HMG20B: variants seen among roughly 807,000 people sequenced by gnomAD.
HMG20B encodes SWI/SNF-related matrix-associated actin-dependent regulator of chromatin subfamily E member 1-related.
HMG20B carries 24 observed loss-of-function variants against 41.6 expected under a neutral mutation model. The observed-to-expected ratio is 0.58, with a 90% CI of 0.42 to 0.81. The LOEUF (loss-of-function observed/expected upper bound fraction) is 0.81. Among genes scored for constraint, HMG20B ranks in the 30% least tolerant of loss-of-function variants. The pLI, the probability that HMG20B is intolerant of heterozygous loss-of-function variation, is 0.00. For missense variants in HMG20B, 461 were observed against 444.0 expected (o/e 1.04, Z -0.34); for synonymous variants, 251 against 186.6 (o/e 1.34, Z -2.81).
chr19:3,577,906 C>G, intron 8 of HMG20B, 75 bp from the exon 9 acceptor site: 1 of 1,386,366 alleles, frequency 7.2e-7, no homozygotes, highest in African/African-American at 1.4e-5. Flanking sequence ...CTGAGTCACC[C>G]CCTACCGCTG....
At chr19:3,574,763 G>A (rs996706434) in intron 4 of HMG20B, among the ~76,000 whole-genome samples, 177 bp downstream of exon 4, 1 of 149,416 alleles carries the variant, frequency 6.7e-6, no homozygotes, top group Non-Finnish European at 1.5e-5. Flanking sequence ...CTGTTGCCCA[G>A]GCTGGAGTGC....
chr19:3,578,528 G>C lies in HMG20B; in HGVS notation c.*7G>C. 6.4e-7 allele frequency: 1 copy of C among 1,573,282 alleles called. No individual in the cohort carries two copies. The highest frequency in any genetic ancestry group is 1.4e-5 in the African/African-American group (1 of 73,996). On this transcript the variant is annotated 3_prime_UTR_variant, in exon 10 of 10. Coordinates refer to ENST00000333651, the MANE Select transcript of HMG20B (RefSeq NM_006339.3). ...TTTCAGCGAGCACCTGTGAGGAGTGGGCGGGCCCACGATGCAGAGGAGAAG... is the reference window on the plus strand; with the variant it reads ...TTTCAGCGAGCACCTGTGAGGAGTGCGCGGGCCCACGATGCAGAGGAGAAG...
chr19:3,575,388 C>A, intron 4 of HMG20B, 152 bp from the exon 5 acceptor site: 1 of 1,333,164 alleles, frequency 7.5e-7, no homozygotes, highest in Non-Finnish European at 1.0e-6. Context: ...CCCTGAGCAA[C>A]AGGCTGAGGA....
In HMG20B at chr19:3,578,106, G is replaced by A. The variant is rs775485847; in HGVS notation, c.934G>A (p.Val312Ile). ...IVRIKEILAQ[V>I]ASEHL ...CCGCATCAAGGAAATCCTGGCCCAG[G>A]TCGCCAGGTGTGTGCCGGGCGAGGC... Residue 312 changes from valine (V) to isoleucine (I), a missense_variant, in exon 9 of 10, where the codon GTC (valine) becomes ATC (isoleucine). This residue lies in a region of HMG20B where 308 missense variants were observed against 283.4 expected (regional missense o/e 1.09). Transcript: ENST00000333651. 3 of 1,610,994 alleles carry A rather than the reference G, an allele frequency of 1.9e-6. No individual in the cohort carries two copies. Among genetic ancestry groups the A allele is most frequent in the Middle Eastern group, 1.7e-4 (1 of 6,056 alleles).
In HMG20B at chr19:3,578,584, C is replaced by G. The variant is rs906212851; in HGVS notation, c.*63C>G. ...GGCGCGGCCCTGCCACACCCCACCC[C>G]GTGGACGAGAGGCTGGGGGTCCACC... On this transcript the variant is annotated 3_prime_UTR_variant, in exon 10 of 10. Coordinates refer to ENST00000333651, the MANE Select transcript of HMG20B (RefSeq NM_006339.3). 6.5e-7 allele frequency: 1 copy of G among 1,548,382 alleles called. No homozygotes were observed. The highest frequency in any genetic ancestry group is 8.7e-7 in the Non-Finnish European group (1 of 1,144,864).
chr19:3,577,490 C>T (rs1284964845), intron 8 of HMG20B, among the ~76,000 whole-genome samples: 2 of 144,690 alleles, frequency 1.4e-5, no homozygotes, highest in African/African-American at 2.6e-5. Context: ...CGCGCCCCCA[C>T]CGCTCCCTAC....
At chr19:3,574,715 C>CTTTTT (rs142748294) in intron 4 of HMG20B, 129 bp downstream of exon 4, 15 of 585,858 alleles carry the variant, frequency 2.6e-5, no homozygotes, top group African/African-American at 8.3e-5. Flanking sequence ...CCATAACCAA[C>CTTTTT]TTTTTTTTTT....
At chr19:3,575,401 CG>C in intron 4 of HMG20B, 138 bp from the exon 5 acceptor site, 1 of 1,402,854 alleles carries the variant, frequency 7.1e-7, no homozygotes, top group East Asian at 2.6e-5. Context: ...GCTGAGGAGC[CG>C]GTTCTGTCTG....
At position 3,579,007 on chromosome 19, in the gene HMG20B, G is replaced by C; in HGVS notation, c.*486G>C. 1 of 352,056 alleles carries C rather than the reference G, an allele frequency of 2.8e-6. No individual in the cohort carries two copies. Among genetic ancestry groups the C allele is most frequent in the Admixed American group, 3.9e-5 (1 of 25,510 alleles). 21.8% of individuals were successfully genotyped at this position (352,056 alleles called of 1,614,324 possible). On this transcript the variant is annotated 3_prime_UTR_variant, in exon 10 of 10. Transcript: ENST00000333651. This position sits in a 1 kb window ranked among gnomAD's most constrained non-coding sequence, Gnocchi z 7.4. The stretch of plus-strand genomic sequence containing the variant: ...CCATCCTGCTCTCCTCCAGCCGAGG[G>C]ACCCTGGTGGGGGTGGCTCCTTCTC...
intron 3 of HMG20B, 140 bp downstream of exon 3, chr19:3,573,940 C>A: frequency 1.2e-6 from 1 of 815,270 alleles, no homozygotes; most frequent in Non-Finnish European, 2.0e-6. Context: ...CGCCCCGTGC[C>A]AGCTGCCACG....
intron 7 of HMG20B, 92 bp downstream of exon 7, chr19:3,576,717 G>A (rs779243790): frequency 6.9e-6 from 9 of 1,312,444 alleles, no homozygotes; most frequent in South Asian, 3.8e-5. Flanking sequence ...TGCAGGAGGC[G>A]GATCGGGAGG....
At chr19:3,577,438 C>A in intron 8 of HMG20B, among the ~76,000 whole-genome samples, 1 of 149,270 alleles carries the variant, frequency 6.7e-6, no homozygotes, top group East Asian at 2.0e-4. Flanking sequence ...CGCGTCCCCG[C>A]TTACTCGCTT....
rs1193453625 is a variant in HMG20B at position 3,574,363 on chromosome 19, G to C, written c.148-20G>C. On this transcript the variant is annotated intron_variant, in intron 3 of 9. Transcript: ENST00000333651. ...CAGTACGCCAGGCCCCCCTCCCAAC[G>C]ACGCAGCCCGGTTCTGCAGCCGGTG... 3 of 1,351,292 alleles carry C rather than the reference G, an allele frequency of 2.2e-6. No homozygotes were observed. The highest frequency in any genetic ancestry group is 2.9e-6 in the Non-Finnish European group (3 of 1,021,920). The allele number at this position is 1,351,292 out of a possible 1,614,324, so 83.7% of individuals were successfully genotyped here.
Position 3,573,685 on chromosome 19 carries a change from G to A in HMG20B, c.39-7G>A, listed in dbSNP as rs763566433. The A allele has an allele frequency of 6.7e-6, 10 of 1,500,078 alleles. No homozygotes were observed. Among genetic ancestry groups the A allele is most frequent in the South Asian group, 4.1e-5 (3 of 72,736 alleles). 92.9% of individuals were successfully genotyped at this position (1,500,078 alleles called of 1,614,324 possible). Reference sequence around the variant, plus strand: ...GACGGGGCTGACCGCGGTATCCTTGGCTCCAGGCCGGCGGGCGGCAAGGCT... The same window carrying A: ...GACGGGGCTGACCGCGGTATCCTTGACTCCAGGCCGGCGGGCGGCAAGGCT... On this transcript the variant is annotated splice_polypyrimidine_tract_variant and splice_region_variant and intron_variant, in intron 2 of 9. Transcript: ENST00000333651.
chr19:3,573,456 G>C (rs2032084594), intron 2 of HMG20B, 109 bp downstream of exon 2: 1 of 1,197,104 alleles, frequency 8.4e-7, no homozygotes, highest in Non-Finnish European at 1.1e-6. Flanking sequence ...TCCCCCACCT[G>C]GGTCAGGGGG....
At position 3,576,582 on chromosome 19, in the gene HMG20B, C is replaced by G. The variant is rs2145256966; in HGVS notation, c.549C>G (p.Phe183Leu). Reference sequence around the variant, plus strand: ...GGGACTGCGATGGCTTCTCCACCTTCGATGTTCCCATCTTCACTGAAGAGT... The same window carrying G: ...GGGACTGCGATGGCTTCTCCACCTTGGATGTTCCCATCTTCACTGAAGAGT... ...KGGDCDGFST[F>L]DVPIFTEEFL... Residue 183 changes from phenylalanine to leucine, a missense_variant, in exon 7 of 10, where the codon TTC becomes TTG. This residue lies in a region of HMG20B where 308 missense variants were observed against 283.4 expected (regional missense o/e 1.09). Transcript: ENST00000333651. The G allele has an allele frequency of 6.2e-7, 1 of 1,613,600 alleles. No individual in the cohort carries two copies. The highest frequency in any genetic ancestry group is 1.1e-5 in the South Asian group (1 of 91,000).
Position 3,575,630 on chromosome 19 carries a change from GAGA to G in HMG20B, c.446_448del (p.Lys149del), listed in dbSNP as rs761881033. 1.2e-5 allele frequency: 19 copies of G among 1,551,516 alleles called. No individual in the cohort carries two copies. The African/African-American group carries it at 1.9e-4, about 16-fold the overall frequency. On this transcript the variant is annotated inframe_deletion, in exon 5 of 10. Coordinates refer to ENST00000333651, the MANE Select transcript of HMG20B (RefSeq NM_006339.3). The stretch of plus-strand genomic sequence containing the variant: ...GTCTGAAGCCTATAAGATGTGCACG[GAGA>G]AGATCCAGGAGAAGAAGATCAAGAA...
chr19:3,577,960 A>T (rs938845141), intron 8 of HMG20B, 21 bp from the exon 9 acceptor site: 1 of 1,567,724 alleles, frequency 6.4e-7, no homozygotes, highest in Admixed American at 1.8e-5. Context: ...CCCTCGCCTG[A>T]CCTTCCCGCC....
Position 3,573,768 on chromosome 19 carries a change from C to A in HMG20B, c.115C>A (p.Arg39Ser). ...TVKQERGEGP[R>S]AGEKGSHEEE... ...CAAGCAAGAGCGCGGCGAGGGTCCACGCGCGGGCGAGAAGGGGTCCCACGA... is the reference window on the plus strand; with the variant it reads ...CAAGCAAGAGCGCGGCGAGGGTCCAAGCGCGGGCGAGAAGGGGTCCCACGA... Residue 39 changes from arginine to serine, a missense_variant, in exon 3 of 10, where the codon CGC becomes AGC. Arg to Ser is a moderately radical substitution (Grantham distance 110). Transcript: ENST00000333651. 1 of 1,568,098 alleles carries A rather than the reference C, an allele frequency of 6.4e-7. No homozygotes were observed. The highest frequency in any genetic ancestry group is 1.2e-5 in the South Asian group (1 of 86,558).
Sources: gnomAD v4.1 joint callset for allele counts (sites outside exome capture counted in the v4.1 genomes callset) on GRCh38, gnomAD v4.1.1 for gene constraint, gnomAD v4.1.1 regional missense constraint, Gnocchi (gnomAD v3.1) non-coding constraint, MANE v1.5 for transcripts, NCBI Gene and HGNC (gene_info 2026-07-23, HGNC 2026-07-21) for gene names.